The following CADPS variants were observed in gnomAD, a reference collection of about 807,000 sequenced individuals.
CADPS encodes the protein calcium-dependent secretion activator 1.
CADPS carries 57 observed loss-of-function variants against 167.3 expected under a neutral mutation model. The ratio of observed to expected loss-of-function variants is 0.34; its 90% confidence interval spans 0.28 to 0.42. CADPS has a LOEUF of 0.42. Ranked by LOEUF, CADPS falls within the 20% of genes least tolerant of loss-of-function variation. The pLI is 1.00. For missense variants in CADPS, 1,414 were observed against 1,738.1 expected, an observed-to-expected ratio of 0.81 and a Z score of 3.32; for synonymous variants, 676 against 635.3, an observed-to-expected ratio of 1.06 and a Z score of -0.96.
intron 6 of CADPS, among the ~76,000 whole-genome samples, chr3:62,631,229 G>C (rs1563116708): frequency 6.6e-6 from 1 of 152,092 alleles, no homozygotes; most frequent in African/African-American, 2.4e-5. Context: ...TAGTTAATCT[G>C]AGTTTACTGT....
intron 26 of CADPS, among the ~76,000 whole-genome samples, chr3:62,460,011 T>C (rs1460068257): frequency 6.6e-6 from 1 of 152,240 alleles, no homozygotes; most frequent in Non-Finnish European, 1.5e-5. Context: ...GTGGATAGTT[T>C]CTGGAAAAGT....
intron 1 of CADPS, among the ~76,000 whole-genome samples, chr3:62,855,091 A>ATTTTTTTTTTTTTTTTTTTTTTTTTT (rs554197608): frequency 2.7e-4 from 25 of 92,708 alleles, no homozygotes; most frequent in African/African-American, 3.5e-4. Context: ...TGCCCGGCTA[A>ATTTTTTTTTTTTTTTTTTTTTTTTTT]TTTTTTTTTT....
intron 3 of CADPS, among the ~76,000 whole-genome samples, chr3:62,731,852 G>C (rs918367693): frequency 2.8e-4 from 29 of 104,590 alleles, no homozygotes; most frequent in Non-Finnish European, 5.6e-4. Flanking sequence ...AGAAAGGAAA[G>C]AAAGGAAAGA....
intron 6 of CADPS, among the ~76,000 whole-genome samples, chr3:62,608,846 C>G (rs954974013): frequency 1.3e-5 from 2 of 152,106 alleles, no homozygotes; most frequent in African/African-American, 2.4e-5. Flanking sequence ...TGATAAGGGC[C>G]AGAATTAACT....
intron 1 of CADPS, among the ~76,000 whole-genome samples, chr3:62,804,272 C>T (rs1403906128): frequency 6.6e-6 from 1 of 152,042 alleles, no homozygotes; most frequent in African/African-American, 2.4e-5. Flanking sequence ...CTGGGAAAAC[C>T]ACTCCCCCTT....
chr3:62,680,201 C>T (rs1284985478), intron 3 of CADPS, among the ~76,000 whole-genome samples: 1 of 100,504 alleles, frequency 9.9e-6, no homozygotes, highest in Non-Finnish European at 2.0e-5. Context: ...TGGCTAAGAG[C>T]CAAGTTGAGT....
intron 10 of CADPS, among the ~76,000 whole-genome samples, chr3:62,551,081 T>G (rs969089363): frequency 1.3e-5 from 2 of 152,134 alleles, no homozygotes; most frequent in African/African-American, 4.8e-5. Context: ...ACCATGAGTA[T>G]GCTGATGGCC....
At chr3:62,604,306 G>A (rs1270798688) in intron 6 of CADPS, among the ~76,000 whole-genome samples, 2 of 152,198 alleles carry the variant, frequency 1.3e-5, no homozygotes, top group African/African-American at 4.8e-5. Flanking sequence ...TTTGGGGGCA[G>A]TGGTTTGCCC....
At chr3:62,759,173 AC>A (rs2084740501) in intron 2 of CADPS, among the ~76,000 whole-genome samples, 1 of 152,154 alleles carries the variant, frequency 6.6e-6, no homozygotes, top group Non-Finnish European at 1.5e-5. Context: ...TAGCTTTGCC[AC>A]CTGAGCAAGT....
At chr3:62,511,873 C>T (rs2067918553) in intron 17 of CADPS, among the ~76,000 whole-genome samples, 1 of 152,104 alleles carries the variant, frequency 6.6e-6, no homozygotes, top group Non-Finnish European at 1.5e-5. Context: ...AGGGTAGGCT[C>T]CCACTAACCA....
At chr3:62,532,798 G>T in intron 13 of CADPS, 73 bp downstream of exon 13, 1 of 1,394,166 alleles carries the variant, frequency 7.2e-7, no homozygotes. Flanking sequence ...GATCCTAAAA[G>T]CAAGACTAGC....
At chr3:62,750,150 G>A (rs1424511176) in intron 3 of CADPS, among the ~76,000 whole-genome samples, 3 of 151,880 alleles carry the variant, frequency 2.0e-5, no homozygotes, top group African/African-American at 7.3e-5. Flanking sequence ...TCCAGAGTTT[G>A]AAACCAGCCT....
At chr3:62,842,712 C>A (rs1577176684) in intron 1 of CADPS, among the ~76,000 whole-genome samples, 1 of 152,246 alleles carries the variant, frequency 6.6e-6, no homozygotes, top group South Asian at 2.1e-4. Context: ...TTCCTAAAGT[C>A]AAATACAAGG....
chr3:62,744,585 C>T (rs561875647), intron 3 of CADPS, among the ~76,000 whole-genome samples: 109 of 152,222 alleles, frequency 7.2e-4, no homozygotes, highest in Non-Finnish European at 1.0e-3. Context: ...TGCTAGATGG[C>T]TTATCATAGA....
intron 3 of CADPS, among the ~76,000 whole-genome samples, chr3:62,714,437 T>C (rs945290875): frequency 2.0e-5 from 3 of 152,138 alleles, no homozygotes; most frequent in African/African-American, 7.2e-5. Context: ...TTAGCTTTGG[T>C]AAATGGAGGC....
intron 1 of CADPS, among the ~76,000 whole-genome samples, chr3:62,863,655 C>G (rs2081203795): frequency 6.6e-6 from 1 of 152,180 alleles, no homozygotes; most frequent in East Asian, 1.9e-4. Flanking sequence ...GAGCAAAGAT[C>G]TACTTACGCC....
chr3:62,571,365 T>C (rs150727168), intron 8 of CADPS, among the ~76,000 whole-genome samples: 31 of 152,214 alleles, frequency 2.0e-4, no homozygotes, highest in African/African-American at 7.5e-4. Flanking sequence ...TGCAGGTGTA[T>C]TACAGGGAGG....
At chr3:62,532,682 T>A (rs2073942530) in intron 13 of CADPS, among the ~76,000 whole-genome samples, 189 bp downstream of exon 13, 1 of 151,844 alleles carries the variant, frequency 6.6e-6, no homozygotes, top group African/African-American at 2.4e-5. Flanking sequence ...CCATTTATTT[T>A]AAGTTTCTTG....
At chr3:62,508,303 T>G (rs1190453725) in intron 17 of CADPS, among the ~76,000 whole-genome samples, 2 of 152,200 alleles carry the variant, frequency 1.3e-5, no homozygotes, top group African/African-American at 4.8e-5. Context: ...ACCTGGCTTC[T>G]TTTCTCCAGG....
Sources: allele counts gnomAD v4.1 joint callset (sites outside exome capture counted in the v4.1 genomes callset), GRCh38; gene constraint gnomAD v4.1.1; transcripts MANE v1.5; gene names NCBI Gene and HGNC (gene_info 2026-07-23, HGNC 2026-07-21).